Variants in KLK6 observed in about 807,000 individuals in gnomAD.
KLK6 encodes kallikrein related peptidase 6.
KLK6 carries 16 observed loss-of-function variants against 21.7 expected under a neutral mutation model. The observed-to-expected ratio is 0.74, with a 90% CI of 0.50 to 1.12. The LOEUF is 1.12. Ranked by LOEUF, KLK6 falls within the 50% of genes most tolerant of loss-of-function variation. The probability of loss-of-function intolerance (pLI) is 0.00; values close to 1 mark genes in which losing one functional copy is unlikely to be tolerated. For missense variants in KLK6, 276 were observed against 304.6 expected, an observed-to-expected ratio of 0.91 and a Z score of 0.70; for synonymous variants, 116 against 120.1, an observed-to-expected ratio of 0.97 and a Z score of 0.22.
intron 6 of KLK6, 125 bp downstream of exon 6, chr19:50,961,619 C>CCTGTCTCTAT: frequency 8.6e-7 from 1 of 1,162,956 alleles, no homozygotes; most frequent in South Asian, 1.6e-5. Flanking sequence ...TCTCCCTCAG[C>CCTGTCTCTAT]CTGTCTCTAT....
intron 4 of KLK6, among the ~76,000 whole-genome samples, chr19:50,966,941 A>G (rs1186523098): frequency 6.7e-6 from 1 of 148,744 alleles, no homozygotes; most frequent in African/African-American, 2.6e-5. Context: ...GAAAACAGCA[A>G]TTTTGCTTGT....
chr19:50,966,131 T>A (rs981168497), intron 4 of KLK6, among the ~76,000 whole-genome samples: 15 of 151,872 alleles, frequency 9.9e-5, no homozygotes, highest in African/African-American at 3.1e-4. Context: ...TGCTGGGACA[T>A]CTCCCCGGCA....
chr19:50,961,904 A>T (rs770683890), intron 5 of KLK6, 24 bp from the exon 6 acceptor site: 1 of 1,608,686 alleles, frequency 6.2e-7, no homozygotes, highest in Non-Finnish European at 8.5e-7. Flanking sequence ...GATGGGCCAG[A>T]CTCAGCCCAG....
At chr19:50,967,458 G>A (rs758691467) in intron 3 of KLK6, 133 bp from the exon 4 acceptor site, 61 of 829,952 alleles carry the variant, frequency 7.3e-5, no homozygotes, top group Non-Finnish European at 1.0e-4. Flanking sequence ...CAGGAGGATC[G>A]CTTGAGCCCA....
intron 4 of KLK6, among the ~76,000 whole-genome samples, chr19:50,964,641 G>T (rs1355195347): frequency 1.3e-5 from 2 of 152,174 alleles, no homozygotes; most frequent in Admixed American, 1.3e-4. Flanking sequence ...GGGGATTTTT[G>T]TTCTATTCAG....
intron 4 of KLK6, among the ~76,000 whole-genome samples, chr19:50,964,364 C>A (rs1313546737): frequency 2.6e-5 from 4 of 152,196 alleles, no homozygotes; most frequent in African/African-American, 7.2e-5. Flanking sequence ...CTATCACAAT[C>A]ATCCGACCTG....
At chr19:50,967,106 G>T in intron 4 of KLK6, 63 bp downstream of exon 4, 1 of 1,588,088 alleles carries the variant, frequency 6.3e-7, no homozygotes, top group Non-Finnish European at 8.6e-7. Flanking sequence ...CCTCCTGCCT[G>T]ACATCTATAA....
chr19:50,963,371 G>T lies in KLK6; in HGVS notation c.376C>A (p.Pro126Thr). 1 of 1,614,206 alleles carries T rather than the reference G, an allele frequency of 6.2e-7. No homozygotes were observed. Among genetic ancestry groups the T allele is most frequent in the South Asian group, 1.1e-5 (1 of 91,086 alleles). ...TTGGCTGAGCAGTCCCTCTCCAGGG[G>T]AAGGGGCTGGATGAGTTCAGAGAGT... ...AKLSELIQPL[P>T]LERDCSANTT... The change falls in exon 5 of 7, where the codon CCC becomes ACC. Residue 126 changes from proline (P) to threonine (T), a missense_variant. Coordinates refer to ENST00000310157, the MANE Select transcript of KLK6 (RefSeq NM_002774.4).
At chr19:50,969,182 C>T (rs2122192522) in intron 1 of KLK6, among the ~76,000 whole-genome samples, 1 of 147,448 alleles carries the variant, frequency 6.8e-6, no homozygotes, top group East Asian at 2.0e-4. Context: ...ACTTGGACTC[C>T]TGGGTCTGAG....
intron 2 of KLK6, 55 bp from the exon 3 acceptor site, chr19:50,968,167 CCT>C: frequency 6.7e-7 from 1 of 1,485,334 alleles, no homozygotes; most frequent in South Asian, 1.1e-5. Context: ...TCCCCCCATC[CCT>C]CTGTCTGCTC....
At chr19:50,966,698 T>C (rs2090931712) in intron 4 of KLK6, among the ~76,000 whole-genome samples, 1 of 152,164 alleles carries the variant, frequency 6.6e-6, no homozygotes, top group South Asian at 2.1e-4. Flanking sequence ...CTACTTGGGG[T>C]GCTGAGGCAG....
intron 1 of KLK6, 36 bp from the exon 2 acceptor site, chr19:50,968,627 G>A (rs958425005): frequency 4.1e-5 from 7 of 171,792 alleles, no homozygotes; most frequent in African/African-American, 1.2e-4. Context: ...TTAGAAATGC[G>A]GGGAGCCGTG....
chr19:50,963,045 C>A (rs2090867301), intron 5 of KLK6, among the ~76,000 whole-genome samples: 1 of 152,134 alleles, frequency 6.6e-6, no homozygotes, highest in African/African-American at 2.4e-5. Flanking sequence ...CTTTATTGAA[C>A]CTTCATCTTA....
intron 3 of KLK6, 116 bp from the exon 4 acceptor site, chr19:50,967,441 G>T: frequency 9.9e-7 from 1 of 1,009,002 alleles, no homozygotes; most frequent in Non-Finnish European, 1.4e-6. Flanking sequence ...TGTAATCCCA[G>T]CTGAGGCAGG....
rs1364928030 is a variant in KLK6, at chr19:50,959,001, C to A, written c.*163G>T. On this transcript the variant is annotated 3_prime_UTR_variant, in exon 7 of 7. Coordinates refer to ENST00000310157, the MANE Select transcript of KLK6 (RefSeq NM_002774.4). ...CCTCCCCAGTGATGCAAGGATGGAGCTGGGGTAAAACCAGGGAGAATCAGG... is the reference window on the plus strand; with the variant it reads ...CCTCCCCAGTGATGCAAGGATGGAGATGGGGTAAAACCAGGGAGAATCAGG... 5.5e-6 allele frequency: 4 copies of A among 730,978 alleles called. No homozygotes were observed. The highest frequency in any genetic ancestry group is 9.4e-6 in the Non-Finnish European group (4 of 426,036). 45.3% of individuals were successfully genotyped at this position (730,978 alleles called of 1,614,324 possible).
rs1486068675 is a variant in KLK6 at position 50,967,193 on chromosome 19, A to G, written c.173T>C (p.Leu58Pro). ...CGGTTTTTTGCAGTGGGCAGCTGTG[A>G]GGACCCACAGTGGATGGATAAGGAC... ...GGVLIHPLWV[L>P]TAAHCKKPNL... is the part of the protein sequence containing the mutation. Residue 58 changes from leucine (L) to proline (P), a missense_variant, in exon 4 of 7, where the codon CTC becomes CCC. Physicochemically the swap from Leu to Pro is moderately conservative, Grantham distance 98 (BLOSUM62 -3). Transcript: ENST00000310157. 4.3e-6 allele frequency: 7 copies of G among 1,613,926 alleles called. No individual in the cohort carries two copies. The East Asian group carries it at 1.6e-4, about 36-fold the overall frequency.
intron 4 of KLK6, among the ~76,000 whole-genome samples, chr19:50,963,866 GCCT>G (rs1411470128): frequency 6.6e-6 from 1 of 152,016 alleles, no homozygotes; most frequent in Non-Finnish European, 1.5e-5. Context: ...TAGAGCAGTA[GCCT>G]CCTCACTGGG....
intron 4 of KLK6, among the ~76,000 whole-genome samples, chr19:50,966,217 C>T (rs1369508539): frequency 6.6e-6 from 1 of 152,166 alleles, no homozygotes; most frequent in Non-Finnish European, 1.5e-5. Context: ...CTTTCCCTCT[C>T]CCACAACTCA....
chr19:50,961,626 C>G, intron 6 of KLK6, 118 bp downstream of exon 6: 1 of 1,255,248 alleles, frequency 8.0e-7, no homozygotes, highest in Non-Finnish European at 1.1e-6. Flanking sequence ...CAGCCTGTCT[C>G]TATCTGTCTC....
Sources: allele counts gnomAD v4.1 joint callset (sites outside exome capture counted in the v4.1 genomes callset), GRCh38; gene constraint gnomAD v4.1.1; transcripts MANE v1.5; gene names NCBI Gene and HGNC (gene_info 2026-07-23, HGNC 2026-07-21).